Variants in ARAP2 observed in about 807,000 individuals in gnomAD.
ARAP2 encodes the protein arf-GAP with Rho-GAP domain, ANK repeat and PH domain-containing protein 2.
ARAP2 carries 148 observed loss-of-function variants against 194.5 expected under a neutral mutation model. The observed-to-expected ratio is 0.76, with a 90% CI of 0.67 to 0.87. The LOEUF (loss-of-function observed/expected upper bound fraction) is 0.87, where lower values mean the gene tolerates loss of function less well. Ranked by LOEUF, ARAP2 falls within the 40% of genes least tolerant of loss-of-function variation. The pLI, the probability that ARAP2 is intolerant of heterozygous loss-of-function variation, is 0.00. For synonymous variants in ARAP2, 695 were observed against 683.5 expected (o/e 1.02, Z -0.26); for missense variants, 2,128 against 1,989.7 (o/e 1.07, Z -1.32).
Position 36,210,400 on chromosome 4 carries a change from A to G in ARAP2, c.1477T>C (p.Ser493Pro), listed in dbSNP as rs143481404. 1.9e-5 allele frequency: 30 copies of G among 1,608,930 alleles called. No individual in the cohort carries two copies. Among genetic ancestry groups the G allele is most frequent in the Non-Finnish European group, 2.1e-5 (25 of 1,177,930 alleles). ...TGCATACGTACATACCCTTGAGGAGAGAGTTTATCCAGCCATCCTGATTTA... is the reference window on the plus strand; with the variant it reads ...TGCATACGTACATACCCTTGAGGAGGGAGTTTATCCAGCCATCCTGATTTA... Reference protein sequence around the residue: ...KVKSGWLDKLSPQGKRMFQKR... With the variant: ...KVKSGWLDKLPPQGKRMFQKR... The change falls in exon 6 of 33, where the codon TCT becomes CCT. Residue 493 changes from serine (S) to proline (P), a missense_variant. Physicochemically the swap from Ser to Pro is moderately conservative, Grantham distance 74. Transcript: ENST00000303965.
intron 7 of ARAP2, among the ~76,000 whole-genome samples, chr4:36,191,868 A>G (rs530914569): frequency 7.2e-5 from 11 of 152,122 alleles, no homozygotes; most frequent in Non-Finnish European, 5.9e-5. Flanking sequence ...TGTTTGGATC[A>G]TGCCATTTTC....
At chr4:36,201,115 T>A (rs2109227479) in intron 6 of ARAP2, among the ~76,000 whole-genome samples, 1 of 152,334 alleles carries the variant, frequency 6.6e-6, no homozygotes, top group South Asian at 2.1e-4. Context: ...TTCCAAGAAC[T>A]GTGTAGAGCC....
intron 31 of ARAP2, among the ~76,000 whole-genome samples, chr4:36,079,729 T>C (rs1287298618): frequency 1.3e-5 from 2 of 152,176 alleles, no homozygotes; most frequent in Non-Finnish European, 2.9e-5. Context: ...ACATCTTGTA[T>C]GGTTTGCTGC....
intron 27 of ARAP2, among the ~76,000 whole-genome samples, chr4:36,093,880 C>T (rs1260105901): frequency 6.6e-6 from 1 of 152,084 alleles, no homozygotes; most frequent in Non-Finnish European, 1.5e-5. Context: ...TTGGTAAAAC[C>T]CCAATTCTAA....
intron 2 of ARAP2, among the ~76,000 whole-genome samples, chr4:36,221,684 T>C (rs1749203575): frequency 6.6e-6 from 1 of 152,142 alleles, no homozygotes; most frequent in African/African-American, 2.4e-5. Context: ...ACCAAATCTA[T>C]CAACCAAGTT....
chr4:36,222,677 A>C (rs974626884), intron 2 of ARAP2, among the ~76,000 whole-genome samples: 1 of 152,070 alleles, frequency 6.6e-6, no homozygotes, highest in Non-Finnish European at 1.5e-5. Flanking sequence ...AAGTTAGCTG[A>C]ATTTATTATT....
At chr4:36,230,335 T>C (rs2109343489) in intron 1 of ARAP2, among the ~76,000 whole-genome samples, 1 of 152,326 alleles carries the variant, frequency 6.6e-6, no homozygotes, top group East Asian at 1.9e-4. Context: ...AACTTTCCCT[T>C]TCACTGCATT....
chr4:36,102,572 T>C (rs1212455027), intron 27 of ARAP2, among the ~76,000 whole-genome samples: 1 of 152,042 alleles, frequency 6.6e-6, no homozygotes, highest in African/African-American at 2.4e-5. Flanking sequence ...TGATATTTCC[T>C]TGAATAAGAC....
intron 28 of ARAP2, among the ~76,000 whole-genome samples, chr4:36,091,206 A>C (rs1163211471): frequency 6.6e-6 from 1 of 152,108 alleles, no homozygotes; most frequent in Non-Finnish European, 1.5e-5. Flanking sequence ...TACTATCTTA[A>C]ATTACAGATT....
chr4:36,123,765 C>T (rs1723234074), intron 22 of ARAP2, among the ~76,000 whole-genome samples: 1 of 151,830 alleles, frequency 6.6e-6, no homozygotes, highest in Non-Finnish European at 1.5e-5. Context: ...AATGTTTTTG[C>T]ATGACCTACA....
chr4:36,211,190 G>A (rs1211742986), intron 5 of ARAP2, among the ~76,000 whole-genome samples: 1 of 151,938 alleles, frequency 6.6e-6, no homozygotes, highest in African/African-American at 2.4e-5. Flanking sequence ...CAACTCCAAG[G>A]ACCCCATGTT....
At chr4:36,166,868 T>C in intron 10 of ARAP2, 64 bp downstream of exon 10, 1 of 959,582 alleles carries the variant, frequency 1.0e-6, no homozygotes, top group Non-Finnish European at 1.5e-6. Flanking sequence ...ACGAACAACA[T>C]AAAGGTGGAT....
chr4:36,171,865 T>C (rs180924941), intron 9 of ARAP2, among the ~76,000 whole-genome samples: 1 of 152,056 alleles, frequency 6.6e-6, no homozygotes, highest in Non-Finnish European at 1.5e-5. Context: ...TTTTAAAAAA[T>C]AGAATGCAAT....
At chr4:36,202,813 A>G (rs1218476345) in intron 6 of ARAP2, among the ~76,000 whole-genome samples, 3 of 152,224 alleles carry the variant, frequency 2.0e-5, no homozygotes, top group Non-Finnish European at 4.4e-5. Context: ...AAATAAATAA[A>G]TGCCTGCAAA....
chr4:36,154,554 C>T (rs1411971467), intron 15 of ARAP2, among the ~76,000 whole-genome samples: 2 of 151,844 alleles, frequency 1.3e-5, no homozygotes, highest in Non-Finnish European at 2.9e-5. Context: ...TGCTATTATT[C>T]AACTGTGTAC....
At chr4:36,079,046 C>T (rs1232427702) in intron 31 of ARAP2, among the ~76,000 whole-genome samples, 3 of 151,644 alleles carry the variant, frequency 2.0e-5, no homozygotes, top group African/African-American at 7.3e-5. Flanking sequence ...CGGTGGTGCA[C>T]GCCTGTAATC....
At chr4:36,062,633 A>AGTGTGT (rs10641822), downstream of ARAP2, among the ~76,000 whole-genome samples, 2,891 of 148,248 alleles carry the variant, frequency 0.02, 40 homozygotes, top group African/African-American at 0.046. Context: ...TTTGTGTGAG[A>AGTGTGT]GTGTGTGTGT....
intron 16 of ARAP2, 110 bp from the exon 17 acceptor site, chr4:36,148,617 T>G: frequency 1.3e-6 from 1 of 772,678 alleles, no homozygotes; most frequent in Non-Finnish European, 2.1e-6. Flanking sequence ...TAAACTAATG[T>G]TATGAAATCA....
At chr4:36,030,130 T>C (rs1033414471) in intron 5 of ARAP2, among the ~76,000 whole-genome samples, 1 of 152,062 alleles carries the variant, frequency 6.6e-6, no homozygotes, top group African/African-American at 2.4e-5. Context: ...AGTTCTGACA[T>C]GTTTAAATTT....
Sources: allele counts gnomAD v4.1 joint callset (sites outside exome capture counted in the v4.1 genomes callset), GRCh38; gene constraint gnomAD v4.1.1; transcripts MANE v1.5; gene names NCBI Gene and HGNC (gene_info 2026-07-23, HGNC 2026-07-21).